MALRD1: variants seen among roughly 807,000 people sequenced by gnomAD.
MALRD1 encodes the protein MAM and LDL-receptor class A domain-containing protein 1.
In MALRD1, 247 loss-of-function variants were observed where a neutral mutation model predicts 242.1. The observed-to-expected ratio is 1.02, with a 90% confidence interval of 0.92 to 1.13. The LOEUF (loss-of-function observed/expected upper bound fraction) is 1.13. Ranked by LOEUF, MALRD1 falls within the 50% of genes most tolerant of loss-of-function variation. The pLI, the probability that MALRD1 is intolerant of heterozygous loss-of-function variation, is 0.00. For missense variants in MALRD1, 2,989 were observed against 2,533.1 expected (o/e 1.18, Z -3.86); for synonymous variants, 995 against 866.6 (o/e 1.15, Z -2.60).
intron 31 of MALRD1, among the ~76,000 whole-genome samples, chr10:19,507,146 C>G (rs977131819): frequency 4.0e-5 from 6 of 151,888 alleles, no homozygotes; most frequent in South Asian, 2.1e-4. Flanking sequence ...AAGAGAGCAC[C>G]GAGCCATAAG....
intron 21 of MALRD1, among the ~76,000 whole-genome samples, chr10:19,318,970 GAC>G (rs1177696373): frequency 3.7e-5 from 2 of 53,460 alleles, no homozygotes; most frequent in African/African-American, 8.2e-5. Flanking sequence ...AACGTACACA[GAC>G]ATACACACAC....
At chr10:19,496,427 A>G (rs1381631565) in intron 30 of MALRD1, among the ~76,000 whole-genome samples, 1 of 152,240 alleles carries the variant, frequency 6.6e-6, no homozygotes, top group African/African-American at 2.4e-5. Context: ...ACATTTACAC[A>G]GAAATTAAAC....
chr10:19,729,775 G>C (rs943698675), intron 38 of MALRD1, among the ~76,000 whole-genome samples: 3 of 115,368 alleles, frequency 2.6e-5, no homozygotes, highest in Non-Finnish European at 4.9e-5. Flanking sequence ...CTCGCTCTGT[G>C]GCCCAGGCTG....
intron 30 of MALRD1, among the ~76,000 whole-genome samples, chr10:19,493,029 A>G (rs1564388268): frequency 6.6e-6 from 1 of 152,186 alleles, no homozygotes; most frequent in African/African-American, 2.4e-5. Flanking sequence ...TACCATTTCA[A>G]CCATTTAAAA....
chr10:19,174,200 A>G (rs986719251), intron 13 of MALRD1, among the ~76,000 whole-genome samples: 1 of 152,176 alleles, frequency 6.6e-6, no homozygotes, highest in African/African-American at 2.4e-5. Flanking sequence ...TCATCCAGGT[A>G]TAGATAGGGT....
intron 14 of MALRD1, among the ~76,000 whole-genome samples, chr10:19,178,806 C>T (rs1835370157): frequency 6.6e-6 from 1 of 152,064 alleles, no homozygotes; most frequent in Non-Finnish European, 1.5e-5. Flanking sequence ...ACTGAGTGCC[C>T]AAAGGGAGCA....
At chr10:19,242,145 G>A (rs181834851) in intron 18 of MALRD1, among the ~76,000 whole-genome samples, 35 of 152,280 alleles carry the variant, frequency 2.3e-4, no homozygotes, top group Admixed American at 2.6e-4. Flanking sequence ...CTTGGCTGGG[G>A]AGGTCTCCCA....
chr10:19,661,126 C>G (rs1841406841), intron 36 of MALRD1, among the ~76,000 whole-genome samples: 1 of 152,094 alleles, frequency 6.6e-6, no homozygotes, highest in Non-Finnish European at 1.5e-5. Context: ...ATTAAAAAGT[C>G]AGGAAACAAC....
At chr10:19,664,279 G>T (rs1841574569) in intron 36 of MALRD1, among the ~76,000 whole-genome samples, 1 of 152,008 alleles carries the variant, frequency 6.6e-6, no homozygotes, top group Admixed American at 6.6e-5. Context: ...TTAATTTAAT[G>T]ATTAATTAGA....
chr10:19,329,129 G>A (rs1001867241), intron 23 of MALRD1, among the ~76,000 whole-genome samples: 9 of 152,020 alleles, frequency 5.9e-5, no homozygotes, highest in African/African-American at 2.2e-4. Flanking sequence ...TGATTTTTTT[G>A]ACTCTTAAAA....
chr10:19,324,599 A>AT (rs34635923), intron 22 of MALRD1, among the ~76,000 whole-genome samples: 105,426 of 146,754 alleles, frequency 0.72, 37,868 homozygotes, highest in Middle Eastern at 0.76. Flanking sequence ...CAGAGATCTT[A>AT]TTTTTTTTTT....
chr10:19,136,339 GT>G (rs60455365), intron 9 of MALRD1, among the ~76,000 whole-genome samples: 32,672 of 144,928 alleles, frequency 0.23, 4,104 homozygotes, highest in Admixed American at 0.32. Flanking sequence ...GTTTCCATCA[GT>G]TTTTTTTTTT....
At chr10:19,335,875 T>A (rs1185279727) in intron 24 of MALRD1, among the ~76,000 whole-genome samples, 1 of 152,094 alleles carries the variant, frequency 6.6e-6, no homozygotes. Flanking sequence ...TACATAGATA[T>A]ACACGTGCCA....
intron 28 of MALRD1, among the ~76,000 whole-genome samples, chr10:19,443,601 G>A (rs1015486010): frequency 6.6e-6 from 1 of 152,180 alleles, no homozygotes; most frequent in Admixed American, 6.5e-5. Flanking sequence ...TCAGGAGCAG[G>A]TTGTTCAGTT....
rs200151720 is a variant in MALRD1 at position 19,693,102 on chromosome 10, A to G, written c.6314+548A>G. 1.8e-4 allele frequency among the ~76,000 whole-genome samples: 28 copies of G among 151,926 alleles called. 1 individual carries two copies. In the East Asian group the frequency reaches 4.9e-3, roughly 26 times the overall value. The stretch of plus-strand genomic sequence containing the variant: ...AAATTATAAGAGCTATTTATGACAA[A>G]CCCACAGCCAATATCATACTGAATG... On this transcript the variant is annotated intron_variant, in intron 38 of 39. Transcript: ENST00000454679.
chr10:19,498,121 A>C (rs1185278661), intron 30 of MALRD1, among the ~76,000 whole-genome samples: 1 of 152,216 alleles, frequency 6.6e-6, no homozygotes, highest in African/African-American at 2.4e-5. Flanking sequence ...CAAACATCAG[A>C]ATAAGGGACG....
intron 33 of MALRD1, among the ~76,000 whole-genome samples, chr10:19,569,057 CTAT>C (rs759912254): frequency 3.3e-5 from 5 of 151,990 alleles, no homozygotes; most frequent in Non-Finnish European, 7.4e-5. Flanking sequence ...GTAAGTAAAT[CTAT>C]TATTGTAAAT....
At chr10:19,066,486 C>T (rs778610922) in intron 1 of MALRD1, among the ~76,000 whole-genome samples, 20 of 152,160 alleles carry the variant, frequency 1.3e-4, no homozygotes, top group Admixed American at 6.6e-5. Context: ...GTCTTCTGAT[C>T]CTATGTCGTG....
chr10:19,697,056 T>C (rs1009589852), intron 38 of MALRD1, among the ~76,000 whole-genome samples: 1 of 152,116 alleles, frequency 6.6e-6, no homozygotes, highest in Non-Finnish European at 1.5e-5. Flanking sequence ...AAGAAGCAGA[T>C]ACATAAACCA....
Sources: allele counts gnomAD v4.1 joint callset (sites outside exome capture counted in the v4.1 genomes callset), GRCh38; gene constraint gnomAD v4.1.1; transcripts MANE v1.5; gene names NCBI Gene and HGNC (gene_info 2026-07-23, HGNC 2026-07-21).